Variants in IRAK3 observed in about 807,000 individuals in gnomAD.
The protein encoded by IRAK3 is interleukin 1 receptor associated kinase 3.
IRAK3 carries 57 observed loss-of-function variants against 56.6 expected under a neutral mutation model. That is an observed-to-expected ratio of 1.01 (90% CI 0.81 to 1.26). The LOEUF is 1.26. Among genes scored for constraint, IRAK3 ranks in the 50% most tolerant of loss-of-function variants. The pLI is 0.00. For synonymous variants in IRAK3, 258 were observed against 255.7 expected (o/e 1.01, Z -0.09); for missense variants, 703 against 719.0 (o/e 0.98, Z 0.25).
chr12:66,242,514 G>A (rs542083867), intron 8 of IRAK3, among the ~76,000 whole-genome samples: 6 of 152,168 alleles, frequency 3.9e-5, no homozygotes, highest in Admixed American at 1.3e-4. Context: ...GTGACAGATG[G>A]GGGTGTGTGA....
At chr12:66,209,656 C>T (rs1251229307) in intron 3 of IRAK3, 136 bp downstream of exon 3, 2 of 697,352 alleles carry the variant, frequency 2.9e-6, no homozygotes, top group Non-Finnish European at 5.3e-6. Context: ...TTTGTTCTCT[C>T]ATTATTCTCT....
intron 1 of IRAK3, among the ~76,000 whole-genome samples, chr12:66,198,559 C>A (rs981920205): frequency 6.6e-6 from 1 of 152,176 alleles, no homozygotes; most frequent in Non-Finnish European, 1.5e-5. Context: ...AAAGCATTTT[C>A]TCCCTTCAGT....
At chr12:66,237,746 T>C (rs1427278054) in intron 8 of IRAK3, among the ~76,000 whole-genome samples, 1 of 152,212 alleles carries the variant, frequency 6.6e-6, no homozygotes, top group African/African-American at 2.4e-5. Context: ...CATGCAGGGT[T>C]GAAAGAGAAT....
At chr12:66,217,867 G>C (rs1468126405) in intron 6 of IRAK3, among the ~76,000 whole-genome samples, 1 of 152,096 alleles carries the variant, frequency 6.6e-6, no homozygotes, top group Non-Finnish European at 1.5e-5. Context: ...AAGCTGAAGA[G>C]AGAAGGCATT....
chr12:66,234,248 A>T, intron 8 of IRAK3: 1 of 1,613,542 alleles, frequency 6.2e-7, no homozygotes, highest in Non-Finnish European at 8.5e-7. Flanking sequence ...GGTGCTGCCT[A>T]GTGACAGATG....
At chr12:66,215,610 C>T (rs544241415) in intron 5 of IRAK3, among the ~76,000 whole-genome samples, 4 of 152,268 alleles carry the variant, frequency 2.6e-5, no homozygotes, top group African/African-American at 9.6e-5. Flanking sequence ...CATACATACC[C>T]TTTTCAAGAA....
intron 1 of IRAK3, chr12:66,197,381 A>G (rs952304214): frequency 5.0e-6 from 5 of 993,798 alleles, no homozygotes; most frequent in Non-Finnish European, 6.0e-6. Context: ...TGAAGAATGT[A>G]ATTAACATGT....
chr12:66,228,866 T>G (rs943010281), intron 8 of IRAK3, among the ~76,000 whole-genome samples: 1 of 152,210 alleles, frequency 6.6e-6, no homozygotes, highest in Non-Finnish European at 1.5e-5. Flanking sequence ...AATATAATTG[T>G]CCTGAGCACA....
chr12:66,209,620 G>A (rs1401478692), intron 3 of IRAK3, 100 bp downstream of exon 3: 11 of 789,674 alleles, frequency 1.4e-5, no homozygotes, highest in African/African-American at 5.1e-5. Flanking sequence ...TGGATTTGCC[G>A]GCACTTTTTA....
intron 1 of IRAK3, among the ~76,000 whole-genome samples, chr12:66,189,759 C>T (rs991566883): frequency 1.3e-5 from 2 of 152,196 alleles, no homozygotes; most frequent in African/African-American, 4.8e-5. Context: ...TGTATGATGT[C>T]TTCTGGTCCT....
chr12:66,225,777 A>G (rs2052779539), intron 6 of IRAK3, among the ~76,000 whole-genome samples: 1 of 152,316 alleles, frequency 6.6e-6, no homozygotes, highest in Middle Eastern at 3.4e-3. Context: ...TGCATACTAC[A>G]CTGACATAGA....
chr12:66,223,248 T>C (rs994060367), intron 6 of IRAK3, among the ~76,000 whole-genome samples: 1 of 152,204 alleles, frequency 6.6e-6, no homozygotes, highest in Non-Finnish European at 1.5e-5. Context: ...GATGTATACA[T>C]GCAGGTCACA....
chr12:66,190,899 C>G (rs1373813731), intron 1 of IRAK3, among the ~76,000 whole-genome samples: 1 of 152,170 alleles, frequency 6.6e-6, no homozygotes, highest in South Asian at 2.1e-4. Flanking sequence ...TCTTTCTGGC[C>G]ACATCTAACA....
chr12:66,193,094 G>T (rs1257171553), intron 1 of IRAK3, among the ~76,000 whole-genome samples: 2 of 151,802 alleles, frequency 1.3e-5, no homozygotes, highest in East Asian at 3.9e-4. Context: ...CGCAACCTCC[G>T]CCTCCCGGGT....
At chr12:66,241,190 C>T (rs1027385917) in intron 8 of IRAK3, among the ~76,000 whole-genome samples, 1 of 152,132 alleles carries the variant, frequency 6.6e-6, no homozygotes, top group Non-Finnish European at 1.5e-5. Context: ...CCTCAGTGTA[C>T]AACCAATGAT....
At chr12:66,234,447 T>C in intron 8 of IRAK3, 2 of 1,611,468 alleles carry the variant, frequency 1.2e-6, no homozygotes, top group South Asian at 2.2e-5. Flanking sequence ...GTTTGAGTGA[T>C]CATTCGGTTT....
intron 6 of IRAK3, among the ~76,000 whole-genome samples, chr12:66,225,134 CTCTG>C (rs2052772541): frequency 6.6e-6 from 1 of 152,192 alleles, no homozygotes; most frequent in East Asian, 1.9e-4. Context: ...CAGGCCGTGG[CTCTG>C]TCTATCTGAT....
Position 66,250,497 on chromosome 12 carries a change from T to C in IRAK3, c.*2326T>C, listed in dbSNP as rs2053086052. 6.6e-6 allele frequency: 1 copy of C among 152,256 alleles called. No individual in the cohort carries two copies. The highest frequency in any genetic ancestry group is 2.4e-5 in the African/African-American group (1 of 41,472). 9.4% of individuals were successfully genotyped at this position (152,256 alleles called of 1,614,324 possible). ...GTCTTAGTCTGACTGACAGGCTTTA[T>C]ACAGGCCCTCGGTAAGCAGTTGGGA... On this transcript the variant is annotated 3_prime_UTR_variant, in exon 12 of 12. Transcript: ENST00000261233.
rs1329767906 is a variant in IRAK3 at position 66,247,931 on chromosome 12, G to A, written c.1551G>A (p.Leu517=). 1 of 1,613,972 alleles carries A rather than the reference G, an allele frequency of 6.2e-7. No individual in the cohort carries two copies. Among genetic ancestry groups the A allele is most frequent in the African/African-American group, 1.3e-5 (1 of 75,020 alleles). ...FECSQSEVMF[L]SLDKKPESKR... The stretch of plus-strand genomic sequence containing the variant: ...GCAGCCAGTCTGAGGTTATGTTTCT[G>A]AGCTTGGACAAAAAGCCAGAGAGCA... The change falls in exon 12 of 12, where the codon CTG becomes CTA. Residue 517 remains leucine, a synonymous_variant. Coordinates refer to ENST00000261233, the MANE Select transcript of IRAK3 (RefSeq NM_007199.3).
Sources: gnomAD v4.1 joint callset for allele counts (sites outside exome capture counted in the v4.1 genomes callset) on GRCh38, gnomAD v4.1.1 for gene constraint, MANE v1.5 for transcripts, NCBI Gene and HGNC (gene_info 2026-07-23, HGNC 2026-07-21) for gene names.